MAP3K21: variants seen among roughly 807,000 people sequenced by gnomAD.
The protein encoded by MAP3K21 is mitogen-activated protein kinase kinase kinase MLK4.
Under a neutral mutation model 86.1 loss-of-function variants are expected in MAP3K21, and 63 were observed. The ratio of observed to expected loss-of-function variants is 0.73; its 90% CI spans 0.60 to 0.90. MAP3K21 has a LOEUF of 0.90. Ranked by LOEUF, MAP3K21 falls within the 40% of genes least tolerant of loss-of-function variation. MAP3K21 has a pLI of 0.00. For missense variants in MAP3K21, 1,220 were observed against 1,367.7 expected, an observed-to-expected ratio of 0.89 and a Z score of 1.70; for synonymous variants, 558 against 564.8, an observed-to-expected ratio of 0.99 and a Z score of 0.17.
rs547821048 is a variant in MAP3K21, at chr1:233,357,787, C to A, written c.1311+2776C>A. Among the ~76,000 whole-genome samples the A allele has an allele frequency of 7.9e-5, 12 of 152,282 alleles. 1 individual carries two copies. The East Asian group carries it at 2.1e-3, about 27-fold the overall frequency. On this transcript the variant is annotated intron_variant, in intron 4 of 9. Coordinates refer to ENST00000366624, the MANE Select transcript of MAP3K21 (RefSeq NM_032435.3). Reference sequence around the variant, plus strand: ...ACTTTCAAGTAGGGAGAGAAGAAACCAGTTGCTTGTTATTCCAGAGTTACG... The same window carrying A: ...ACTTTCAAGTAGGGAGAGAAGAAACAAGTTGCTTGTTATTCCAGAGTTACG...
intron 2 of MAP3K21, among the ~76,000 whole-genome samples, chr1:233,349,347 G>A (rs10910131): frequency 0.16 from 24,773 of 151,942 alleles, 2,111 homozygotes; most frequent in East Asian, 0.21. Context: ...AAAATACATC[G>A]TAAATCAATT....
chr1:233,374,235 G>A (rs764246770), intron 6 of MAP3K21: 3 of 151,884 alleles, frequency 2.0e-5, no homozygotes, highest in Non-Finnish European at 4.4e-5. Context: ...GGCTGGAGTG[G>A]TGCCATCTCG....
In MAP3K21 at chr1:233,358,933, C is replaced by T. The variant is rs142409321; in HGVS notation, c.1312-3120C>T. Among the ~76,000 whole-genome samples the T allele has an allele frequency of 8.7e-4, 133 of 152,214 alleles. No individual in the cohort carries two copies. In the East Asian group the frequency reaches 0.025, roughly 28 times the overall value. ...CAAGTGATTCTCCTGCCTCAGCCTC[C>T]CGAGTAGCTGGGATTACAGGCGCCC... On this transcript the variant is annotated intron_variant, in intron 4 of 9. Transcript: ENST00000366624.
At chr1:233,332,454 G>C (rs966161552) in intron 1 of MAP3K21, among the ~76,000 whole-genome samples, 1 of 152,102 alleles carries the variant, frequency 6.6e-6, no homozygotes, top group African/African-American at 2.4e-5. Flanking sequence ...TAAGGAGAAG[G>C]CTGGTGAGGA....
chr1:233,339,449 CCTCCTTCTCCTCCTCCTTCTCCTTCTT>C (rs1662993658), intron 1 of MAP3K21, among the ~76,000 whole-genome samples: 2 of 104,746 alleles, frequency 1.9e-5, no homozygotes, highest in Non-Finnish European at 3.8e-5. Context: ...TCCTTCTCCT[CCTCCTTCTCCTCCTCCTTCTCCTTCTT>C]CTTCTTCTTC....
chr1:233,353,053 C>T (rs1663279397), intron 2 of MAP3K21, among the ~76,000 whole-genome samples: 1 of 152,100 alleles, frequency 6.6e-6, no homozygotes, highest in African/African-American at 2.4e-5. Flanking sequence ...TGTAGAAATC[C>T]TCTTCTGTGC....
chr1:233,350,245 T>G (rs1663225062), intron 2 of MAP3K21, among the ~76,000 whole-genome samples: 1 of 152,144 alleles, frequency 6.6e-6, no homozygotes, highest in Admixed American at 6.5e-5. Flanking sequence ...TATTTTTTGT[T>G]GTTTTTTTTT....
At chr1:233,381,587 CTA>C (rs1462232718) in intron 9 of MAP3K21, among the ~76,000 whole-genome samples, 2 of 151,978 alleles carry the variant, frequency 1.3e-5, no homozygotes, top group Non-Finnish European at 2.9e-5. Context: ...ATGATATTTT[CTA>C]TATTATTGTT....
Position 233,382,775 on chromosome 1 carries a change from C to T in MAP3K21, c.*64C>T, listed in dbSNP as rs942931414. The T allele has an allele frequency of 7.9e-6, 11 of 1,392,660 alleles. No homozygotes were observed. The Admixed American group carries it at 1.3e-4, about 16-fold the overall frequency. 86.3% of individuals were successfully genotyped at this position (1,392,660 alleles called of 1,614,324 possible). ...TGAACAAATGAACACAATGTATCTACCTTTGAACTGTTTCATGCTGCTGTG... is the reference window on the plus strand; with the variant it reads ...TGAACAAATGAACACAATGTATCTATCTTTGAACTGTTTCATGCTGCTGTG... On this transcript the variant is annotated 3_prime_UTR_variant, in exon 10 of 10. Coordinates refer to ENST00000366624, the MANE Select transcript of MAP3K21 (RefSeq NM_032435.3).
In MAP3K21 at chr1:233,379,216, TG is replaced by T. The variant is rs780121434; in HGVS notation, c.2212del (p.Asp738ThrfsTer213). ...CTTCTGGCATCGGTGGCTCTGGGAC[TG>T]GACCTCAGAGAGCTTCATAAAGCAC... ...TVLLASVALG[L>X]DLRELHKAQA... On this transcript the variant is annotated frameshift_variant, in exon 9 of 10. Transcript: ENST00000366624. LOFTEE classifies it high-confidence loss of function. The T allele has an allele frequency of 6.2e-7, 1 of 1,614,196 alleles. No individual in the cohort carries two copies. The highest frequency in any genetic ancestry group is 8.5e-7 in the Non-Finnish European group (1 of 1,180,024).
Position 233,372,099 on chromosome 1 carries a change from C to A in MAP3K21, c.1614C>A (p.Asn538Lys), listed in dbSNP as rs1572255578. ...ACTTGGACAAACGGCGGAGCCTGAACAGCAGCAGTTCCAGTCCCCCGAGCA... is the reference window on the plus strand; with the variant it reads ...ACTTGGACAAACGGCGGAGCCTGAAAAGCAGCAGTTCCAGTCCCCCGAGCA... ...SPNLDKRRSL[N>K]SSSSSPPSSP... The change falls in exon 6 of 10, where the codon AAC becomes AAA. Residue 538 changes from asparagine (N) to lysine (K), a missense_variant. Around this residue, in one of 5 missense-constraint regions of MAP3K21, gnomAD observed 632 missense variants for 691.3 expected, o/e 0.91. Transcript: ENST00000366624. The A allele has an allele frequency of 6.2e-7, 1 of 1,614,170 alleles. No individual in the cohort carries two copies.
rs546145556 is a variant in MAP3K21 at position 233,353,615 on chromosome 1, T to C, written c.987-192T>C. ...TACTGGATTTCTGGGATGGAATGTA[T>C]TTACATGTGTTTGAATTGTTGATGG... On this transcript the variant is annotated intron_variant, in intron 2 of 9. Transcript: ENST00000366624. Among the ~76,000 whole-genome samples the C allele has an allele frequency of 3.9e-5, 6 of 152,330 alleles. No individual in the cohort carries two copies. In the South Asian group the frequency reaches 1.2e-3, roughly 32 times the overall value.
At chr1:233,350,170 A>T (rs1172408337) in intron 2 of MAP3K21, among the ~76,000 whole-genome samples, 2 of 152,078 alleles carry the variant, frequency 1.3e-5, no homozygotes, top group South Asian at 4.1e-4. Flanking sequence ...ACTTATTATT[A>T]CCTAATACAA....
intron 1 of MAP3K21, among the ~76,000 whole-genome samples, chr1:233,343,314 G>A (rs538114625): frequency 4.6e-5 from 7 of 152,264 alleles, no homozygotes; most frequent in Non-Finnish European, 1.0e-4. Context: ...TTCTTATAGA[G>A]TAATTACCAT....
intron 1 of MAP3K21, among the ~76,000 whole-genome samples, chr1:233,338,240 T>C (rs1453483116): frequency 1.3e-5 from 2 of 152,240 alleles, no homozygotes; most frequent in East Asian, 3.9e-4. Flanking sequence ...GCTTATCACA[T>C]CTGTTTTTTC....
intron 5 of MAP3K21, among the ~76,000 whole-genome samples, chr1:233,370,817 G>T (rs1032901930): frequency 6.6e-6 from 1 of 152,180 alleles, no homozygotes; most frequent in African/African-American, 2.4e-5. Context: ...ATATGGCAAT[G>T]AACCATTTGG....
Position 233,328,505 on chromosome 1 carries a change from GGACGCGGCGGCGGCT to G in MAP3K21, c.479_493del (p.Asp160_Ala164del). 4 of 1,524,544 alleles carry G rather than the reference GGACGCGGCGGCGGCT, an allele frequency of 2.6e-6. No homozygotes were observed. Among genetic ancestry groups the G allele is most frequent in the Non-Finnish European group, 3.5e-6 (4 of 1,146,324 alleles). 94.4% of individuals were successfully genotyped at this position (1,524,544 alleles called of 1,614,324 possible). ...AGGCGGCGCGCCAGGACCCGGAGCA[GGACGCGGCGGCGGCT>G]GCCGAGAGCGTGCGGCGCGAGGCTC... On this transcript the variant is annotated inframe_deletion, in exon 1 of 10. Transcript: ENST00000366624. This position sits in a 1 kb window ranked among gnomAD's most constrained non-coding sequence, Gnocchi z 8.7.
chr1:233,354,793 C>A, intron 3 of MAP3K21, 43 bp from the exon 4 acceptor site: 6 of 1,439,074 alleles, frequency 4.2e-6, no homozygotes, highest in Non-Finnish European at 4.7e-6. Context: ...CAACTCTAAA[C>A]TGCGTTGAGA....
chr1:233,335,119 C>A (rs1424253044), intron 1 of MAP3K21, among the ~76,000 whole-genome samples: 1 of 152,138 alleles, frequency 6.6e-6, no homozygotes, highest in Non-Finnish European at 1.5e-5. Context: ...TGTCCCCAAA[C>A]TCTCTGAGGC....
Sources: allele counts gnomAD v4.1 joint callset (sites outside exome capture counted in the v4.1 genomes callset), GRCh38; gene constraint gnomAD v4.1.1; regional missense constraint gnomAD v4.1.1; non-coding constraint Gnocchi (gnomAD v3.1); transcripts MANE v1.5; gene names NCBI Gene and HGNC (gene_info 2026-07-23, HGNC 2026-07-21).